The following CACNA1B variants were observed in gnomAD, a reference collection of about 807,000 sequenced individuals.
CACNA1B encodes calcium voltage-gated channel subunit alpha1 B.
A neutral mutation model predicts 247.2 loss-of-function variants in CACNA1B; 70 were observed. That is an observed-to-expected ratio of 0.28 (90% CI 0.23 to 0.35). The LOEUF (loss-of-function observed/expected upper bound fraction) is 0.35. CACNA1B is among the 10% of genes least tolerant of loss of function. CACNA1B has a pLI of 1.00. For missense variants in CACNA1B, 2,367 were observed against 3,197.4 expected, an observed-to-expected ratio of 0.74 and a Z score of 6.26; for synonymous variants, 1,231 against 1,294.4, an observed-to-expected ratio of 0.95 and a Z score of 1.05.
Position 137,880,818 on chromosome 9 carries a change from G to A in CACNA1B, c.390+1659G>A, listed in dbSNP as rs538962459. Among the ~76,000 whole-genome samples the A allele has an allele frequency of 5.3e-5, 8 of 152,284 alleles. No homozygotes were observed. The highest frequency in any genetic ancestry group is 1.9e-4 in the African/African-American group (8 of 41,568). The stretch of plus-strand genomic sequence containing the variant: ...ACAGAGCAGGCCGAGGCTGGGTGGT[G>A]CAGGGGCAGCCCCTCAGTTGTCTCC... On this transcript the variant is annotated intron_variant, in intron 2 of 46. Coordinates refer to ENST00000371372, the MANE Select transcript of CACNA1B (RefSeq NM_000718.4). This position sits in a 1 kb window ranked among gnomAD's most constrained non-coding sequence, Gnocchi z 4.8.
At position 137,957,118 on chromosome 9, in the gene CACNA1B, C is replaced by T. The variant is rs1179733401; in HGVS notation, c.1243+291C>T. On this transcript the variant is annotated intron_variant, in intron 9 of 46. Transcript: ENST00000371372. This position sits in a 1 kb window ranked among gnomAD's most constrained non-coding sequence, Gnocchi z 4.7. Reference sequence around the variant, plus strand: ...CAACCTGGGGCCATGAGAGGGAGCCCGGGCCCCACTGCTGTGGTTGCTGGC... The same window carrying T: ...CAACCTGGGGCCATGAGAGGGAGCCTGGGCCCCACTGCTGTGGTTGCTGGC... Among the ~76,000 whole-genome samples the T allele has an allele frequency of 1.3e-5, 2 of 152,182 alleles. No individual in the cohort carries two copies. Among genetic ancestry groups the T allele is most frequent in the Non-Finnish European group, 2.9e-5 (2 of 68,024 alleles).
chr9:138,107,349 T>A (rs1961467559), intron 39 of CACNA1B, among the ~76,000 whole-genome samples: 1 of 151,744 alleles, frequency 6.6e-6, no homozygotes, highest in African/African-American at 2.4e-5. Flanking sequence ...CAGGCTCAAG[T>A]GATCCTCCTG....
intron 21 of CACNA1B, among the ~76,000 whole-genome samples, chr9:138,045,979 A>C (rs1959181977): frequency 6.6e-6 from 1 of 152,114 alleles, no homozygotes; most frequent in Non-Finnish European, 1.5e-5. Context: ...TCTCCAGAGC[A>C]CAGCCCTCGT....
intron 15 of CACNA1B, among the ~76,000 whole-genome samples, chr9:138,005,183 C>T (rs1589062102): frequency 6.6e-6 from 1 of 152,192 alleles, no homozygotes; most frequent in African/African-American, 2.4e-5. Context: ...CATGGCAGCA[C>T]TATTCACAGT....
At chr9:137,962,316 T>A (rs1958029960) in intron 10 of CACNA1B, among the ~76,000 whole-genome samples, 1 of 151,544 alleles carries the variant, frequency 6.6e-6, no homozygotes, top group Non-Finnish European at 1.5e-5. Flanking sequence ...TTTATTAATT[T>A]TTTTTTTTTT....
Position 137,881,924 on chromosome 9 carries a change from C to T in CACNA1B, c.391-820C>T, listed in dbSNP as rs903533942. Among the ~76,000 whole-genome samples, 3 of 152,200 alleles carry T rather than the reference C, an allele frequency of 2.0e-5. No individual in the cohort carries two copies. Among genetic ancestry groups the T allele is most frequent in the South Asian group, 2.1e-4 (1 of 4,834 alleles). On this transcript the variant is annotated intron_variant, in intron 2 of 46. Coordinates refer to ENST00000371372, the MANE Select transcript of CACNA1B (RefSeq NM_000718.4). The surrounding 1 kb of genome is among the most constrained non-coding windows in gnomAD (Gnocchi z 4.3). ...TCCACCTGGATCCCTTTCTCAAAATCGAGCTGTGGAAGCCTTGCCTGCAGG... is the reference window on the plus strand; with the variant it reads ...TCCACCTGGATCCCTTTCTCAAAATTGAGCTGTGGAAGCCTTGCCTGCAGG...
chr9:137,955,918 C>T lies in CACNA1B; in HGVS notation c.1186+105C>T, dbSNP rs1253612926. The T allele has an allele frequency of 1.3e-6, 1 of 764,726 alleles. No homozygotes were observed. Among genetic ancestry groups the T allele is most frequent in the East Asian group, 2.7e-5 (1 of 37,244 alleles). 47.4% of individuals were successfully genotyped at this position (764,726 alleles called of 1,614,324 possible). Reference sequence around the variant, plus strand: ...GGGGTGCCCTGGCTGCTGGGTAGAGCCTGAAGGGATTTTGTAGTGAGCAGA... The same window carrying T: ...GGGGTGCCCTGGCTGCTGGGTAGAGTCTGAAGGGATTTTGTAGTGAGCAGA... On this transcript the variant is annotated intron_variant, in intron 8 of 46. Coordinates refer to ENST00000371372, the MANE Select transcript of CACNA1B (RefSeq NM_000718.4). This position sits in a 1 kb window ranked among gnomAD's most constrained non-coding sequence, Gnocchi z 6.9.
rs1957204615 is a variant in CACNA1B, at chr9:137,899,170, C to T, written c.531-14010C>T. On this transcript the variant is annotated intron_variant, in intron 3 of 46. Transcript: ENST00000371372. The surrounding 1 kb of genome is among the most constrained non-coding windows in gnomAD (Gnocchi z 5.0). The stretch of plus-strand genomic sequence containing the variant: ...TGCTGCAATCTCAGCTCACTGCAAC[C>T]TCCGCCTCCTAGGTTCAAGCAATTG... 6.6e-6 allele frequency among the ~76,000 whole-genome samples: 1 copy of T among 152,008 alleles called. No individual in the cohort carries two copies. Among genetic ancestry groups the T allele is most frequent in the South Asian group, 2.1e-4 (1 of 4,810 alleles).
In CACNA1B at chr9:138,114,690, C is replaced by T. The variant is rs112541543; in HGVS notation, c.5649+200C>T. On this transcript the variant is annotated intron_variant, in intron 41 of 46. Coordinates refer to ENST00000371372, the MANE Select transcript of CACNA1B (RefSeq NM_000718.4). Reference sequence around the variant, plus strand: ...AGCCTTTATGCTTTCCATGAGCTGGCGGTACTGGGCAGCTCCTGACATAGA... The same window carrying T: ...AGCCTTTATGCTTTCCATGAGCTGGTGGTACTGGGCAGCTCCTGACATAGA... 4.0e-3 allele frequency among the ~76,000 whole-genome samples: 613 copies of T among 152,244 alleles called. 10 individuals carry two copies. The highest frequency in any genetic ancestry group is 0.014 in the African/African-American group (564 of 41,540).
At chr9:137,892,948 T>C (rs1036021442) in intron 3 of CACNA1B, among the ~76,000 whole-genome samples, 8 of 152,198 alleles carry the variant, frequency 5.3e-5, no homozygotes, top group African/African-American at 1.9e-4. Flanking sequence ...CCGACAGGCC[T>C]GAAACGCCCA....
At chr9:138,065,404 T>C (rs2133519888) in intron 31 of CACNA1B, among the ~76,000 whole-genome samples, 1 of 152,164 alleles carries the variant, frequency 6.6e-6, no homozygotes, top group South Asian at 2.1e-4. Context: ...GTGGAAAGCA[T>C]CCACCTCAGC....
intron 38 of CACNA1B, among the ~76,000 whole-genome samples, chr9:138,104,429 C>T (rs760343550): frequency 1.2e-4 from 19 of 152,230 alleles, no homozygotes; most frequent in Admixed American, 4.6e-4. Flanking sequence ...CCTCTCACAC[C>T]GCCATTCATG....
rs1564889641 is a variant in CACNA1B, at chr9:137,919,902, G to T, written c.966+2471G>T. On this transcript the variant is annotated intron_variant, in intron 6 of 46. Transcript: ENST00000371372. This position sits in a 1 kb window ranked among gnomAD's most constrained non-coding sequence, Gnocchi z 4.6. Reference sequence around the variant, plus strand: ...GCTTTGTCTGTGCCTGGAAAAGCAGGCGGAGTCAAATGGAGCTTTGGGAGA... The same window carrying T: ...GCTTTGTCTGTGCCTGGAAAAGCAGTCGGAGTCAAATGGAGCTTTGGGAGA... Among the ~76,000 whole-genome samples the T allele has an allele frequency of 6.6e-6, 1 of 152,200 alleles. No homozygotes were observed. Among genetic ancestry groups the T allele is most frequent in the Non-Finnish European group, 1.5e-5 (1 of 68,034 alleles).
At chr9:137,978,701 A>G (rs1467301912) in intron 12 of CACNA1B, among the ~76,000 whole-genome samples, 1 of 137,096 alleles carries the variant, frequency 7.3e-6, no homozygotes, top group Non-Finnish European at 1.5e-5. Flanking sequence ...GGTGGTAGAC[A>G]TTTGTGTCTG....
At chr9:137,910,624 A>ACAGATCAT (rs1957349286) in intron 3 of CACNA1B, among the ~76,000 whole-genome samples, 1 of 152,202 alleles carries the variant, frequency 6.6e-6, no homozygotes, top group South Asian at 2.1e-4. Flanking sequence ...TGGGTCAGTG[A>ACAGATCAT]CAGATCATCA....
intron 15 of CACNA1B, among the ~76,000 whole-genome samples, chr9:137,995,430 G>A (rs975271769): frequency 2.6e-5 from 4 of 152,098 alleles, no homozygotes; most frequent in Non-Finnish European, 5.9e-5. Flanking sequence ...ACATAAAGTG[G>A]GGAAAGGACA....
intron 41 of CACNA1B, among the ~76,000 whole-genome samples, chr9:138,114,694 A>G (rs1961794111): frequency 6.6e-6 from 1 of 152,192 alleles, no homozygotes; most frequent in African/African-American, 2.4e-5. Flanking sequence ...AGCTGGCGGT[A>G]CTGGGCAGCT....
chr9:138,013,220 A>T lies in CACNA1B; in HGVS notation c.2252A>T (p.Asn751Ile). 6.2e-7 allele frequency: 1 copy of T among 1,600,708 alleles called. No homozygotes were observed. Among genetic ancestry groups the T allele is most frequent in the East Asian group, 2.2e-5 (1 of 44,690 alleles). The change falls in exon 18 of 47, where the codon AAC becomes ATC. Residue 751 changes from asparagine (N) to isoleucine (I), a missense_variant. Physicochemically the swap from Asn to Ile is moderately radical, Grantham distance 149. Coordinates refer to ENST00000371372, the MANE Select transcript of CACNA1B (RefSeq NM_000718.4). ...GAAGTCAGCCCCATGTCTGCCGCGA[A>T]CATCTCCATCGCCGCGTAAGGCTCC... ...VAEVSPMSAA[N>I]ISIAARQQNS...
At chr9:138,064,911 C>T (rs916424597) in intron 31 of CACNA1B, among the ~76,000 whole-genome samples, 51 of 152,240 alleles carry the variant, frequency 3.3e-4, no homozygotes, top group East Asian at 1.9e-4. Flanking sequence ...CCTCCCAAAA[C>T]GCTCTGAGAA....
Sources: gnomAD v4.1 joint callset for allele counts (sites outside exome capture counted in the v4.1 genomes callset) on GRCh38, gnomAD v4.1.1 for gene constraint, Gnocchi (gnomAD v3.1) non-coding constraint, MANE v1.5 for transcripts, NCBI Gene and HGNC (gene_info 2026-07-23, HGNC 2026-07-21) for gene names.